The following APP variants were observed in gnomAD, a reference collection of about 807,000 sequenced individuals.
APP encodes amyloid beta precursor protein.
APP carries 31 observed loss-of-function variants against 101.4 expected under a neutral mutation model. The observed-to-expected ratio is 0.31, with a 90% confidence interval of 0.23 to 0.41. The LOEUF (loss-of-function observed/expected upper bound fraction) is 0.41. Among genes scored for constraint, APP ranks in the 10% least tolerant of loss-of-function variants. The pLI, the probability that APP is intolerant of heterozygous loss-of-function variation, is 1.00. For missense variants in APP, 839 were observed against 1,003.7 expected (o/e 0.84, Z 2.22); for synonymous variants, 366 against 364.4 (o/e 1.00, Z -0.05).
intron 5 of APP, among the ~76,000 whole-genome samples, chr21:26,035,441 G>A (rs1219714568): frequency 1.3e-5 from 2 of 152,124 alleles, no homozygotes; most frequent in Non-Finnish European, 2.9e-5. Context: ...GGGAAAGAGA[G>A]GCATGGGGTG....
chr21:25,948,733 T>C (rs2040938462), intron 13 of APP, among the ~76,000 whole-genome samples: 1 of 152,212 alleles, frequency 6.6e-6, no homozygotes. Flanking sequence ...AAGCACACTT[T>C]GATAAATAAC....
intron 6 of APP, among the ~76,000 whole-genome samples, chr21:26,020,854 A>T (rs1019644583): frequency 2.0e-5 from 3 of 152,196 alleles, no homozygotes; most frequent in African/African-American, 7.2e-5. Context: ...GGAGACAAGT[A>T]TGACCTTTAG....
chr21:25,985,005 C>A (rs573042928), intron 8 of APP, among the ~76,000 whole-genome samples: 1 of 151,934 alleles, frequency 6.6e-6, no homozygotes, highest in African/African-American at 2.4e-5. Flanking sequence ...CTATGGTTTG[C>A]GAACACTGTC....
At chr21:26,024,262 T>C (rs995435518) in intron 5 of APP, among the ~76,000 whole-genome samples, 1 of 151,194 alleles carries the variant, frequency 6.6e-6, no homozygotes, top group African/African-American at 2.4e-5. Flanking sequence ...AGAAGTACCA[T>C]AGTAATAGAA....
intron 3 of APP, among the ~76,000 whole-genome samples, chr21:26,074,481 C>T (rs894552908): frequency 1.1e-4 from 16 of 152,288 alleles, no homozygotes; most frequent in African/African-American, 3.6e-4. Context: ...TAAGGCCAGG[C>T]GTGGTGGCTC....
chr21:25,967,526 C>T (rs1471300774), intron 11 of APP, among the ~76,000 whole-genome samples: 1 of 152,130 alleles, frequency 6.6e-6, no homozygotes, highest in Non-Finnish European at 1.5e-5. Context: ...TAAAACAGTT[C>T]AAGTCTTACA....
At chr21:26,091,150 C>G (rs775228982) in intron 2 of APP, among the ~76,000 whole-genome samples, 42 of 152,238 alleles carry the variant, frequency 2.8e-4, no homozygotes, top group Middle Eastern at 3.4e-3. Flanking sequence ...AGATAAATAA[C>G]AACGAATAGA....
At chr21:26,089,786 A>T (rs2061782850) in intron 3 of APP, 157 bp downstream of exon 3, 2 of 1,115,886 alleles carry the variant, frequency 1.8e-6, no homozygotes, top group South Asian at 2.9e-5. Flanking sequence ...GGGTCAGTGC[A>T]CAGAATGTAA....
At chr21:26,082,947 A>G (rs1474492154) in intron 3 of APP, among the ~76,000 whole-genome samples, 1 of 152,226 alleles carries the variant, frequency 6.6e-6, no homozygotes, top group African/African-American at 2.4e-5. Context: ...TGGAAAAGCA[A>G]TATTTAAAAT....
chr21:26,017,983 T>G (rs1274745415), intron 6 of APP, among the ~76,000 whole-genome samples: 1 of 152,186 alleles, frequency 6.6e-6, no homozygotes, highest in Non-Finnish European at 1.5e-5. Flanking sequence ...CCCACTCTGT[T>G]GCCCAGGCTG....
chr21:26,157,411 T>C (rs1251254576), intron 1 of APP, among the ~76,000 whole-genome samples: 1 of 152,180 alleles, frequency 6.6e-6, no homozygotes, highest in Admixed American at 6.6e-5. Flanking sequence ...AATGAAATGT[T>C]AGAAAGTAAA....
chr21:26,023,459 G>T (rs2044436163), intron 5 of APP, among the ~76,000 whole-genome samples: 1 of 151,020 alleles, frequency 6.6e-6, no homozygotes, highest in South Asian at 2.1e-4. Flanking sequence ...AGGATTGCTT[G>T]AGCCCAGGAG....
intron 3 of APP, among the ~76,000 whole-genome samples, chr21:26,085,183 A>T (rs552395670): frequency 6.6e-6 from 1 of 152,304 alleles, no homozygotes; most frequent in Admixed American, 6.5e-5. Context: ...TTGACCATTC[A>T]AAGGTCCCAT....
At chr21:25,980,672 C>CAA (rs66525910) in intron 9 of APP, among the ~76,000 whole-genome samples, 18 of 141,830 alleles carry the variant, frequency 1.3e-4, no homozygotes, top group Non-Finnish European at 2.6e-4. Flanking sequence ...AACAAACAAA[C>CAA]AAAAAACAAA....
chr21:25,980,796 G>A (rs1343499516), intron 9 of APP, among the ~76,000 whole-genome samples: 1 of 152,166 alleles, frequency 6.6e-6, no homozygotes, highest in Non-Finnish European at 1.5e-5. Context: ...GTCAGGAGAT[G>A]ATTATCATGG....
At chr21:26,064,018 C>T (rs770081624) in intron 3 of APP, among the ~76,000 whole-genome samples, 27 of 152,250 alleles carry the variant, frequency 1.8e-4, no homozygotes, top group Middle Eastern at 3.4e-3. Context: ...ACCAATAACC[C>T]CAGGCAAAGC....
chr21:25,994,780 T>C (rs1035484497), intron 8 of APP, among the ~76,000 whole-genome samples: 2 of 152,242 alleles, frequency 1.3e-5, no homozygotes, highest in African/African-American at 4.8e-5. Context: ...CTGAATTGAG[T>C]CTGCCATCTG....
chr21:25,890,021 TGATACTAATGAAAACCTA>T (rs2037586740), intron 17 of APP, among the ~76,000 whole-genome samples: 2 of 152,236 alleles, frequency 1.3e-5, no homozygotes, highest in Admixed American at 1.3e-4. Context: ...TGAAATAAGC[TGATACTAATGAAAACCTA>T]TCTTACACTG....
chr21:26,088,559 C>T (rs1240565066), intron 3 of APP, among the ~76,000 whole-genome samples: 1 of 152,152 alleles, frequency 6.6e-6, no homozygotes, highest in Non-Finnish European at 1.5e-5. Flanking sequence ...TGATCTACTT[C>T]CTAACTTGTA....
Sources: gnomAD v4.1 joint callset for allele counts (sites outside exome capture counted in the v4.1 genomes callset) on GRCh38, gnomAD v4.1.1 for gene constraint, MANE v1.5 for transcripts, NCBI Gene and HGNC (gene_info 2026-07-23, HGNC 2026-07-21) for gene names.